SWT1: variants seen among roughly 807,000 people sequenced by gnomAD.
SWT1 encodes the protein SWT1 RNA endoribonuclease homolog.
A neutral mutation model predicts 107.3 loss-of-function variants in SWT1; 33 were observed. That is an observed-to-expected ratio of 0.31 (90% CI 0.23 to 0.41). SWT1 has a LOEUF of 0.41. Among genes scored for constraint, SWT1 ranks in the 10% least tolerant of loss-of-function variants. The probability of loss-of-function intolerance (pLI) is 1.00; values close to 1 mark genes in which losing one functional copy is unlikely to be tolerated. For missense variants in SWT1, 898 were observed against 1,028.9 expected (o/e 0.87, Z 1.74); for synonymous variants, 345 against 348.3 (o/e 0.99, Z 0.11).
chr1:185,287,878 C>A (rs150896849), intron 18 of SWT1, among the ~76,000 whole-genome samples: 32 of 152,206 alleles, frequency 2.1e-4, no homozygotes, highest in Non-Finnish European at 4.7e-4. Flanking sequence ...TACTAACTCA[C>A]GTGAATTAAG....
chr1:185,226,358 G>A (rs1011493788), intron 15 of SWT1, among the ~76,000 whole-genome samples: 4 of 152,034 alleles, frequency 2.6e-5, no homozygotes, highest in Non-Finnish European at 4.4e-5. Flanking sequence ...GAAGTTTTTC[G>A]ACATAATCGC....
chr1:185,175,381 C>T (rs568158416), intron 5 of SWT1, among the ~76,000 whole-genome samples: 23 of 152,082 alleles, frequency 1.5e-4, no homozygotes, highest in African/African-American at 4.6e-4. Context: ...CACACATCAC[C>T]GCACTGGGCT....
chr1:185,200,221 A>G (rs1657757539), intron 10 of SWT1, among the ~76,000 whole-genome samples: 2 of 151,998 alleles, frequency 1.3e-5, no homozygotes, highest in Admixed American at 6.5e-5. Flanking sequence ...GGAGTTTGCT[A>G]TTACTCACCT....
intron 15 of SWT1, among the ~76,000 whole-genome samples, chr1:185,228,350 A>G (rs1056115195): frequency 6.6e-6 from 1 of 151,516 alleles, no homozygotes; most frequent in African/African-American, 2.4e-5. Context: ...GTGAGACCTC[A>G]TCTTTACTAG....
At position 185,206,625 on chromosome 1, in the gene SWT1, A is replaced by G. The variant is rs2102468762; in HGVS notation, c.1834A>G (p.Ile612Val). 3 of 1,536,540 alleles carry G rather than the reference A, an allele frequency of 2.0e-6. No individual in the cohort carries two copies. The highest frequency in any genetic ancestry group is 4.6e-5 in the East Asian group (2 of 43,158). The change falls in exon 13 of 19, where the codon ATC becomes GTC. Residue 612 changes from isoleucine to valine, a missense_variant and splice_region_variant. Ile to Val is a conservative substitution (Grantham distance 29). Coordinates refer to ENST00000367500, the MANE Select transcript of SWT1 (RefSeq NM_017673.7). ...TAATTTTTTTCTACATACTCTTTAG[A>G]TCCTGTACCTGAAACCACCATGGAC... The part of the protein sequence containing the change: ...KIAFGNLWME[I>V]LYLKPPWTLL...
intron 7 of SWT1, 34 bp from the exon 8 acceptor site, chr1:185,184,209 C>A: frequency 9.1e-7 from 1 of 1,098,310 alleles, no homozygotes. Flanking sequence ...AGTCTGTTAT[C>A]AAGTGTCATG....
rs1250553205 is a variant in SWT1, at chr1:185,206,710, T to C, written c.1919T>C (p.Met640Thr). The change falls in exon 13 of 19, where the codon ATG becomes ACG. Residue 640 changes from methionine to threonine, a missense_variant. By Grantham distance (81) the Met-to-Thr change is moderately conservative. Coordinates refer to ENST00000367500, the MANE Select transcript of SWT1 (RefSeq NM_017673.7). The stretch of plus-strand genomic sequence containing the variant: ...TGGTTGGCTGTATTTGGATTAGTTA[T>C]GGAAAAGAACTTGCTTTTAACTATT... ...KHWLAVFGLV[M>T]EKNLLLTIES... 6.2e-7 allele frequency: 1 copy of C among 1,608,866 alleles called. No individual in the cohort carries two copies. The highest frequency in any genetic ancestry group is 8.5e-7 in the Non-Finnish European group (1 of 1,176,860).
At chr1:185,175,191 T>A in intron 5 of SWT1, 78 bp downstream of exon 5, 1 of 1,128,470 alleles carries the variant, frequency 8.9e-7, no homozygotes, top group Non-Finnish European at 1.2e-6. Flanking sequence ...TGTATTTCTA[T>A]ATTTTTTTCT....
intron 4 of SWT1, among the ~76,000 whole-genome samples, chr1:185,172,704 C>T (rs1206792741): frequency 1.3e-5 from 2 of 152,034 alleles, no homozygotes; most frequent in Admixed American, 6.5e-5. Flanking sequence ...CATTTTACAA[C>T]CCCTTGCGAG....
chr1:185,280,429 G>C (rs1295375770), intron 18 of SWT1, among the ~76,000 whole-genome samples: 1 of 152,096 alleles, frequency 6.6e-6, no homozygotes, highest in Non-Finnish European at 1.5e-5. Context: ...ACCCTAGATA[G>C]GACTTCTGGG....
At chr1:185,229,384 G>A (rs1354533544) in intron 15 of SWT1, among the ~76,000 whole-genome samples, 1 of 151,976 alleles carries the variant, frequency 6.6e-6, no homozygotes, top group Non-Finnish European at 1.5e-5. Flanking sequence ...TGACTGGTAT[G>A]GTTATTTTCA....
At chr1:185,208,400 A>C (rs1377163906) in intron 13 of SWT1, among the ~76,000 whole-genome samples, 1 of 152,184 alleles carries the variant, frequency 6.6e-6, no homozygotes, top group Non-Finnish European at 1.5e-5. Context: ...CAATATAAAA[A>C]GCTACAGTTA....
chr1:185,205,269 T>C (rs540697710), intron 12 of SWT1, among the ~76,000 whole-genome samples: 62 of 152,344 alleles, frequency 4.1e-4, no homozygotes, highest in African/African-American at 1.4e-3. Context: ...AGAGTATAAG[T>C]TGATTGTATT....
chr1:185,289,884 C>T (rs912759739), intron 18 of SWT1, among the ~76,000 whole-genome samples: 3 of 152,032 alleles, frequency 2.0e-5, no homozygotes, highest in Non-Finnish European at 4.4e-5. Context: ...CACAAAATTT[C>T]AGATAGGAGA....
At chr1:185,231,817 C>T in intron 16 of SWT1, 109 bp downstream of exon 16, 1 of 705,382 alleles carries the variant, frequency 1.4e-6, no homozygotes, top group Non-Finnish European at 2.3e-6. Context: ...TAGACCGTGG[C>T]ACTTTATAGC....
At chr1:185,199,216 A>T (rs147190486) in intron 10 of SWT1, among the ~76,000 whole-genome samples, 97 of 152,274 alleles carry the variant, frequency 6.4e-4, no homozygotes, top group African/African-American at 2.0e-3. Context: ...GATTACAGGC[A>T]TGAGCCACCA....
At chr1:185,278,305 A>G (rs1664386254) in intron 18 of SWT1, among the ~76,000 whole-genome samples, 1 of 152,194 alleles carries the variant, frequency 6.6e-6, no homozygotes, top group Non-Finnish European at 1.5e-5. Flanking sequence ...AGCATTGGCT[A>G]ATTCCTTCCC....
intron 14 of SWT1, among the ~76,000 whole-genome samples, chr1:185,216,915 G>A (rs1659259798): frequency 6.7e-6 from 1 of 149,740 alleles, no homozygotes; most frequent in African/African-American, 2.5e-5. Flanking sequence ...TCGTGCCACT[G>A]CACTCCAGCC....
At chr1:185,243,691 A>G (rs17578483) in intron 16 of SWT1, among the ~76,000 whole-genome samples, 2,228 of 152,338 alleles carry the variant, frequency 0.015, 29 homozygotes, top group South Asian at 0.034. Context: ...TAGAATCAAC[A>G]TATACACTTT....
Sources: gnomAD v4.1 joint callset for allele counts (sites outside exome capture counted in the v4.1 genomes callset) on GRCh38, gnomAD v4.1.1 for gene constraint, MANE v1.5 for transcripts, NCBI Gene and HGNC (gene_info 2026-07-23, HGNC 2026-07-21) for gene names.